Variants in SMIM5 observed in about 807,000 individuals in gnomAD.
The protein encoded by SMIM5 is small integral membrane protein 5, also known as chromosome 17 open reading frame 109.
A neutral mutation model predicts 4.0 loss-of-function variants in SMIM5; 4 were observed. That is an observed-to-expected ratio of 1.01 (90% CI 0.50 to 2.30). The LOEUF (loss-of-function observed/expected upper bound fraction) is 2.30. SMIM5 is among the 30% of genes most tolerant of loss of function. The pLI is 0.02. For missense variants in SMIM5, 107 were observed against 99.2 expected, an observed-to-expected ratio of 1.08 and a Z score of -0.34; for synonymous variants, 46 against 43.6, an observed-to-expected ratio of 1.05 and a Z score of -0.22.
At position 75,633,872 on chromosome 17, in the gene SMIM5, A is replaced by G; in HGVS notation, c.-367A>G. On this transcript the variant is annotated 5_prime_UTR_variant, in exon 1 of 3. Transcript: ENST00000375215. ...CACGGCGTGGGAGTCGGGGAGAGGG[A>G]GAGGAGGAGGAAGGAGGAGGAGAGA... is the stretch of plus-strand genomic sequence containing the variant. 1.0e-6 allele frequency: 1 copy of G among 993,912 alleles called. No individual in the cohort carries two copies. The highest frequency in any genetic ancestry group is 1.2e-6 in the Non-Finnish European group (1 of 834,404). The allele number at this position is 993,912 out of a possible 1,614,324, so 61.6% of individuals were successfully genotyped here. A position where few individuals can be genotyped will look rare whatever the true frequency, so the allele number is the denominator to read the frequency against.
In SMIM5 at chr17:75,636,927, C is replaced by T. The variant is rs2059333838; in HGVS notation, c.-37+2725C>T. On this transcript the variant is annotated intron_variant, in intron 1 of 2. Coordinates refer to ENST00000375215, the MANE Select transcript of SMIM5 (RefSeq NM_001162995.3). This position sits in a 1 kb window ranked among gnomAD's most constrained non-coding sequence, Gnocchi z 5.4. ...CTGGCTGGCAAATTCAGCTTCCAGT[C>T]AGCCCCCTAGGGAAGCCCTGGGCGC... 6.6e-6 allele frequency: 1 copy of T among 152,248 alleles called. No homozygotes were observed. Among genetic ancestry groups the T allele is most frequent in the Non-Finnish European group, 1.5e-5 (1 of 68,084 alleles). 9.4% of individuals were successfully genotyped at this position (152,248 alleles called of 1,614,324 possible). A position where few individuals can be genotyped will look rare whatever the true frequency, so the allele number is the denominator to read the frequency against.
chr17:75,640,385 C>G lies in SMIM5; in HGVS notation c.127+57C>G. The stretch of plus-strand genomic sequence containing the variant: ...TCCCTGGCATCTGGGAGAGACCACA[C>G]CATGGTGCCAGCCAGAGGGCTGGCA... On this transcript the variant is annotated intron_variant, in intron 2 of 2. Transcript: ENST00000375215. This position sits in a 1 kb window ranked among gnomAD's most constrained non-coding sequence, Gnocchi z 4.6. 1 of 1,475,042 alleles carries G rather than the reference C, an allele frequency of 6.8e-7. No homozygotes were observed. Among genetic ancestry groups the G allele is most frequent in the African/African-American group, 1.4e-5 (1 of 70,594 alleles). 91.4% of individuals were successfully genotyped at this position (1,475,042 alleles called of 1,614,324 possible).
rs1451093045 is a variant in SMIM5 at position 75,640,272 on chromosome 17, T to C, written c.71T>C (p.Leu24Pro). 6.4e-7 allele frequency: 1 copy of C among 1,551,502 alleles called. No homozygotes were observed. The change falls in exon 2 of 3, where the codon CTG becomes CCG. Residue 24 changes from leucine to proline, a missense_variant. By Grantham distance (98) the Leu-to-Pro change is moderately conservative. Transcript: ENST00000375215. The surrounding 1 kb of genome is among the most constrained non-coding windows in gnomAD (Gnocchi z 4.6). ...AGGCTGCTGCTCAAGCTGCAGAGAC[T>C]GCCCCAGGCTGAGCCCGTGGAGATC... ...GERLLLKLQR[L>P]PQAEPVEIVA...
At position 75,640,002 on chromosome 17, in the gene SMIM5, G is replaced by A; in HGVS notation, c.-36-164G>A. On this transcript the variant is annotated intron_variant, in intron 1 of 2. Transcript: ENST00000375215. This position sits in a 1 kb window ranked among gnomAD's most constrained non-coding sequence, Gnocchi z 4.6. Reference sequence around the variant, plus strand: ...CCACCCTGAGCTGTGTCAGCTGGGTGGGGACTGAGGGCCACCACTAGGTGG... The same window carrying A: ...CCACCCTGAGCTGTGTCAGCTGGGTAGGGACTGAGGGCCACCACTAGGTGG... 1.5e-6 allele frequency: 1 copy of A among 658,774 alleles called. No individual in the cohort carries two copies. The highest frequency in any genetic ancestry group is 2.1e-5 in the South Asian group (1 of 47,042). The allele number at this position is 658,774 out of a possible 1,614,324, so 40.8% of individuals were successfully genotyped here.
Position 75,641,057 on chromosome 17 carries a change from CCAAGGA to C in SMIM5, c.*161_*166del. On this transcript the variant is annotated 3_prime_UTR_variant, in exon 3 of 3. Transcript: ENST00000375215. The stretch of plus-strand genomic sequence containing the variant: ...CTGGACACTGACAACTTGAGCCCTA[CCAAGGA>C]AACAAGGGCTGGTATAGGTGCAAAC... The C allele has an allele frequency of 7.6e-7, 1 of 1,317,928 alleles. No individual in the cohort carries two copies. Among genetic ancestry groups the C allele is most frequent in the Non-Finnish European group, 1.0e-6 (1 of 988,354 alleles). The allele number at this position is 1,317,928 out of a possible 1,614,324, so 81.6% of individuals were successfully genotyped here.
intron 1 of SMIM5, chr17:75,635,872 A>G (rs1307249400): frequency 1.1e-5 from 11 of 985,316 alleles, no homozygotes; most frequent in East Asian, 1.1e-4. Context: ...GGGTTGGAGT[A>G]TCAGCTCTGC....
rs1465490681 is a variant in SMIM5, at chr17:75,640,356, G to A, written c.127+28G>A. On this transcript the variant is annotated intron_variant, in intron 2 of 2. Transcript: ENST00000375215. The surrounding 1 kb of genome is among the most constrained non-coding windows in gnomAD (Gnocchi z 4.6). ...TAGTTGGGGCACTCAGCACCCCATG[G>A]CTCTCCCTGGCATCTGGGAGAGACC... The A allele has an allele frequency of 6.6e-7, 1 of 1,517,816 alleles. No individual in the cohort carries two copies. Among genetic ancestry groups the A allele is most frequent in the South Asian group, 1.3e-5 (1 of 79,808 alleles). 94.0% of individuals were successfully genotyped at this position (1,517,816 alleles called of 1,614,324 possible).
At chr17:75,639,871 C>G (rs921580950) in intron 1 of SMIM5, 2 of 247,040 alleles carry the variant, frequency 8.1e-6, no homozygotes, top group African/African-American at 4.5e-5. Flanking sequence ...AGTGGTACCT[C>G]AAGACAAGGG....
chr17:75,637,180 T>G (rs1179811216), intron 1 of SMIM5: 1 of 152,232 alleles, frequency 6.6e-6, no homozygotes, highest in Non-Finnish European at 1.5e-5. Context: ...CAGCCCCAGG[T>G]CTCTCGCTCA....
At chr17:75,638,007 G>T (rs2059359421) in intron 1 of SMIM5, 3 of 152,222 alleles carry the variant, frequency 2.0e-5, no homozygotes, top group Admixed American at 2.0e-4. Context: ...AGCATTCTAG[G>T]ACCCTATGCC....
chr17:75,635,428 TGAA>T (rs2059302243), intron 1 of SMIM5, among the ~76,000 whole-genome samples: 3 of 151,866 alleles, frequency 2.0e-5, no homozygotes, highest in Admixed American at 1.3e-4. Flanking sequence ...GGACGGAGGG[TGAA>T]TGAACAGCCA....
chr17:75,634,087 G>A lies in SMIM5; in HGVS notation c.-152G>A, dbSNP rs947152119. On this transcript the variant is annotated 5_prime_UTR_variant, in exon 1 of 3. Transcript: ENST00000375215. ...AGACAGCAGCTGGCTGTCAGCAGAG[G>A]AGCTGGGCTGAGGCGCCCAGGGGAG... 23 of 985,492 alleles carry A rather than the reference G, an allele frequency of 2.3e-5. No homozygotes were observed. The highest frequency in any genetic ancestry group is 2.5e-5 in the Non-Finnish European group (21 of 830,068). 61.0% of individuals were successfully genotyped at this position (985,492 alleles called of 1,614,324 possible).
In SMIM5 at chr17:75,640,095, G is replaced by A; in HGVS notation, c.-36-71G>A. On this transcript the variant is annotated intron_variant, in intron 1 of 2. Coordinates refer to ENST00000375215, the MANE Select transcript of SMIM5 (RefSeq NM_001162995.3). This position sits in a 1 kb window ranked among gnomAD's most constrained non-coding sequence, Gnocchi z 4.6. ...CTGCGGGCTGCGGATGGGTGCGAGG[G>A]TGGAATCTCGGTGCTGCGACGAGTG... is the stretch of plus-strand genomic sequence containing the variant. 7.1e-7 allele frequency: 1 copy of A among 1,414,482 alleles called. No individual in the cohort carries two copies. The highest frequency in any genetic ancestry group is 9.3e-7 in the Non-Finnish European group (1 of 1,077,270). 87.6% of individuals were successfully genotyped at this position (1,414,482 alleles called of 1,614,324 possible).
At position 75,634,142 on chromosome 17, in the gene SMIM5, C is replaced by G. The variant is rs755370539; in HGVS notation, c.-97C>G. 1.0e-6 allele frequency: 1 copy of G among 985,536 alleles called. No individual in the cohort carries two copies. The highest frequency in any genetic ancestry group is 1.1e-4 in the East Asian group (1 of 8,810). The allele number at this position is 985,536 out of a possible 1,614,324, so 61.0% of individuals were successfully genotyped here. A position where few individuals can be genotyped will look rare whatever the true frequency, so the allele number is the denominator to read the frequency against. ...GGCGCCCACGAAGGAAGTACGAGGA[C>G]AGCACGTGGAGGCTCCGCGCTGGGG... On this transcript the variant is annotated 5_prime_UTR_variant, in exon 1 of 3. Coordinates refer to ENST00000375215, the MANE Select transcript of SMIM5 (RefSeq NM_001162995.3).
chr17:75,633,691 GA>G lies in SMIM5; in HGVS notation c.-546del. ...CAGCCAGGGAGTGGCCAGAGGGACA[GA>G]AGGGGTGGCCTTCCTGAGGGCAGGG... On this transcript the variant is annotated 5_prime_UTR_variant, in exon 1 of 3. It introduces an in-frame stop codon into an upstream open reading frame of the 5' UTR. Coordinates refer to ENST00000375215, the MANE Select transcript of SMIM5 (RefSeq NM_001162995.3). 1 of 1,142,158 alleles carries G rather than the reference GA, an allele frequency of 8.8e-7. No individual in the cohort carries two copies. Among genetic ancestry groups the G allele is most frequent in the Non-Finnish European group, 1.1e-6 (1 of 916,898 alleles). 70.8% of individuals were successfully genotyped at this position (1,142,158 alleles called of 1,614,324 possible).
chr17:75,640,628 G>A lies in SMIM5; in HGVS notation c.128-163G>A, dbSNP rs2059419118. On this transcript the variant is annotated intron_variant, in intron 2 of 2. Coordinates refer to ENST00000375215, the MANE Select transcript of SMIM5 (RefSeq NM_001162995.3). The surrounding 1 kb of genome is among the most constrained non-coding windows in gnomAD (Gnocchi z 4.6). ...ATGGAGGAGGTTGGCCCTGGCGGCT[G>A]GCATGGGGACCGTCCGCACCTCTCA... Among the ~76,000 whole-genome samples the A allele has an allele frequency of 6.6e-6, 1 of 152,146 alleles. No homozygotes were observed. Among genetic ancestry groups the A allele is most frequent in the Non-Finnish European group, 1.5e-5 (1 of 68,020 alleles).
Position 75,640,753 on chromosome 17 carries a change from C to T in SMIM5, c.128-38C>T. The T allele has an allele frequency of 1.3e-6, 2 of 1,540,442 alleles. No homozygotes were observed. Among genetic ancestry groups the T allele is most frequent in the Non-Finnish European group, 1.8e-6 (2 of 1,139,934 alleles). On this transcript the variant is annotated intron_variant, in intron 2 of 2. Transcript: ENST00000375215. The surrounding 1 kb of genome is among the most constrained non-coding windows in gnomAD (Gnocchi z 4.6). ...GAGGAGGGTGGGCATCCTTTCTCTC[C>T]CCCAACCTGAGTCCCGTGCTCTCTC... is the stretch of plus-strand genomic sequence containing the variant.
chr17:75,635,482 C>A (rs1179772933), intron 1 of SMIM5, among the ~76,000 whole-genome samples: 1 of 152,236 alleles, frequency 6.6e-6, no homozygotes, highest in East Asian at 1.9e-4. Context: ...GTTTCTAACA[C>A]CAGCAGCAGA....
intron 1 of SMIM5, 43 bp downstream of exon 1, chr17:75,634,245 G>A (rs2148254188): frequency 3.0e-6 from 3 of 985,552 alleles, no homozygotes; most frequent in East Asian, 1.1e-4. Context: ...CAGGGAGGGA[G>A]CAGCAAGGGT....
Sources: allele counts gnomAD v4.1 joint callset (sites outside exome capture counted in the v4.1 genomes callset), GRCh38; gene constraint gnomAD v4.1.1; non-coding constraint Gnocchi (gnomAD v3.1); transcripts MANE v1.5; gene names NCBI Gene and HGNC (gene_info 2026-07-23, HGNC 2026-07-21).